SYNPR: variants seen among roughly 807,000 people sequenced by gnomAD.
SYNPR encodes the protein synaptoporin.
In SYNPR, 23 loss-of-function variants were observed where a neutral mutation model predicts 32.9. The observed-to-expected ratio is 0.70, with a 90% CI of 0.50 to 0.99. SYNPR has a LOEUF of 0.99. Ranked by LOEUF, SYNPR falls within the 50% of genes least tolerant of loss-of-function variation. SYNPR has a pLI of 0.00. For synonymous variants in SYNPR, 146 were observed against 135.9 expected, an observed-to-expected ratio of 1.07 and a Z score of -0.52; for missense variants, 318 against 349.3, an observed-to-expected ratio of 0.91 and a Z score of 0.71.
chr3:63,286,408 G>C (rs1437941795), intron 2 of SYNPR, among the ~76,000 whole-genome samples: 1 of 152,172 alleles, frequency 6.6e-6, no homozygotes, highest in African/African-American at 2.4e-5. Flanking sequence ...TGTGCTGAGG[G>C]TCCTTATAGG....
rs535943580 is a variant in SYNPR, at chr3:63,554,483, T to G, written c.210-2060T>G. Among the ~76,000 whole-genome samples, 5 of 152,360 alleles carry G rather than the reference T, an allele frequency of 3.3e-5. No individual in the cohort carries two copies. In the South Asian group the frequency reaches 1.0e-3, roughly 32 times the overall value. On this transcript the variant is annotated intron_variant, in intron 3 of 5. Transcript: ENST00000478300. ...GAGTAGGGAGTTCTTTTTCTATTGC[T>G]TGTTTTTGTCAGCCTTGTCAAAGAT...
intron 2 of SYNPR, among the ~76,000 whole-genome samples, chr3:63,445,067 C>T (rs1158291511): frequency 6.6e-6 from 1 of 151,970 alleles, no homozygotes; most frequent in East Asian, 1.9e-4. Flanking sequence ...AACACACACA[C>T]ATCCAATCCC....
chr3:63,262,200 G>A (rs2086444891), intron 2 of SYNPR, among the ~76,000 whole-genome samples: 1 of 152,188 alleles, frequency 6.6e-6, no homozygotes, highest in Non-Finnish European at 1.5e-5. Flanking sequence ...CGCTGAATTG[G>A]GGTATGCAAT....
intron 2 of SYNPR, among the ~76,000 whole-genome samples, chr3:63,320,684 G>T (rs1048518590): frequency 2.0e-5 from 3 of 152,020 alleles, no homozygotes; most frequent in Admixed American, 6.6e-5. Context: ...ACTCATTGGG[G>T]TAATAGAACT....
chr3:63,389,946 G>A (rs1422587933), intron 2 of SYNPR, among the ~76,000 whole-genome samples: 1 of 152,206 alleles, frequency 6.6e-6, no homozygotes, highest in African/African-American at 2.4e-5. Context: ...AACTATCATT[G>A]TAGTTAATAG....
rs138498529 is a variant in SYNPR at position 63,334,515 on chromosome 3, A to AGTGTGT, written c.84+55811_84+55816dup. ...AATTTCCAGGCAGTTGTCTCAATGA[A>AGTGTGT]GTGTGTGTGTGTGTGTGTGTGTGTG... On this transcript the variant is annotated intron_variant, in intron 2 of 5. Transcript: ENST00000478300. 6.2e-3 allele frequency among the ~76,000 whole-genome samples: 931 copies of AGTGTGT among 149,376 alleles called. 7 individuals are homozygous for AGTGTGT. Among genetic ancestry groups the AGTGTGT allele is most frequent in the Middle Eastern group, 0.014 (4 of 288 alleles).
chr3:63,499,575 C>G (rs920310750), intron 3 of SYNPR, among the ~76,000 whole-genome samples: 3 of 151,974 alleles, frequency 2.0e-5, no homozygotes, highest in Non-Finnish European at 2.9e-5. Context: ...AACTCTGAAT[C>G]AAGAAGGAGG....
chr3:63,275,522 G>A (rs1373929702), upstream of SYNPR, among the ~76,000 whole-genome samples: 1 of 152,086 alleles, frequency 6.6e-6, no homozygotes, highest in Non-Finnish European at 1.5e-5. Context: ...AGGAACACTG[G>A]GTGTGAAGAG....
intron 3 of SYNPR, among the ~76,000 whole-genome samples, chr3:63,522,475 T>A (rs945808980): frequency 1.3e-5 from 2 of 152,268 alleles, no homozygotes; most frequent in African/African-American, 4.8e-5. Flanking sequence ...GCAAAGCCAA[T>A]GAAACTACAT....
intron 2 of SYNPR, among the ~76,000 whole-genome samples, chr3:63,404,959 G>C (rs562098424): frequency 3.2e-4 from 48 of 152,294 alleles, no homozygotes; most frequent in Non-Finnish European, 1.5e-4. Context: ...AGCCAGCAGT[G>C]TAGGTGGACA....
rs534492893 is a variant in SYNPR at position 63,510,622 on chromosome 3, G to T, written c.209+29666G>T. 1.2e-3 allele frequency among the ~76,000 whole-genome samples: 187 copies of T among 152,216 alleles called. 1 individual carries two copies. Among genetic ancestry groups the T allele is most frequent in the African/African-American group, 4.4e-3 (181 of 41,540 alleles). The stretch of plus-strand genomic sequence containing the variant: ...ATAAAGTTAGATTCTTACTTTCCCG[G>T]AGATTTGAATAATTATTTATACCCT... On this transcript the variant is annotated intron_variant, in intron 3 of 5. Coordinates refer to ENST00000478300, the MANE Select transcript of SYNPR (RefSeq NM_001130003.2).
chr3:63,371,996 A>T (rs188136616), intron 2 of SYNPR, among the ~76,000 whole-genome samples: 5 of 150,986 alleles, frequency 3.3e-5, no homozygotes, highest in Non-Finnish European at 1.5e-5. Flanking sequence ...CTCAATCCCC[A>T]CTCTTCACCA....
At chr3:63,443,164 C>A in intron 2 of SYNPR, 1 of 1,188,692 alleles carries the variant, frequency 8.4e-7, no homozygotes, top group Non-Finnish European at 1.0e-6. Context: ...AAGCAGGCAG[C>A]GTTCACCAGA....
rs1700122454 is a variant in SYNPR, at chr3:63,606,424, T to TTTTTTTTTTTTTTTTTTTTTTG, written c.409-2686_409-2685insTTTTTTGTTTTTTTTTTTTTTT. On this transcript the variant is annotated intron_variant, in intron 4 of 5. Transcript: ENST00000478300. Reference sequence around the variant, plus strand: ...CAGGACCTCAAATCCTTTCTTTTTTTTTTTTTTTTTTTTTTAGCAATGAGA... The same window carrying TTTTTTTTTTTTTTTTTTTTTTG: ...CAGGACCTCAAATCCTTTCTTTTTTTTTTTTTTTTTTTTTTTTTTTTGTTTTTTTTTTTTTTTAGCAATGAGA... 1.5e-5 allele frequency among the ~76,000 whole-genome samples: 2 copies of TTTTTTTTTTTTTTTTTTTTTTG among 132,546 alleles called. 1 individual carries two copies. The highest frequency in any genetic ancestry group is 3.3e-5 in the Non-Finnish European group (2 of 60,970). The allele number at this position is 132,546 out of a possible 152,430, so 87.0% of individuals were successfully genotyped here. A position where few individuals can be genotyped will look rare whatever the true frequency, so the allele number is the denominator to read the frequency against.
intron 2 of SYNPR, among the ~76,000 whole-genome samples, chr3:63,423,116 A>C (rs1699828536): frequency 6.6e-6 from 1 of 152,246 alleles, no homozygotes; most frequent in Admixed American, 6.5e-5. Context: ...TATAGGTAAC[A>C]CATGTACATA....
upstream of SYNPR, among the ~76,000 whole-genome samples, chr3:63,226,733 G>A (rs964684030): frequency 6.6e-6 from 1 of 152,106 alleles, no homozygotes; most frequent in East Asian, 1.9e-4. Context: ...AAGGAAGAGA[G>A]ATTGGTGAAT....
intron 2 of SYNPR, among the ~76,000 whole-genome samples, chr3:63,379,412 G>A (rs1164665971): frequency 6.6e-6 from 1 of 152,052 alleles, no homozygotes; most frequent in Non-Finnish European, 1.5e-5. Context: ...ATTGGAAGGA[G>A]GTGTTAATGT....
chr3:63,390,507 C>T (rs2088118333), intron 2 of SYNPR, among the ~76,000 whole-genome samples: 1 of 152,200 alleles, frequency 6.6e-6, no homozygotes, highest in Non-Finnish European at 1.5e-5. Context: ...CACATCTCAT[C>T]TGCTATTGTG....
intron 3 of SYNPR, among the ~76,000 whole-genome samples, chr3:63,524,824 AGTGTGTGTGTGT>A (rs138062730): frequency 2.3e-5 from 3 of 129,382 alleles, no homozygotes; most frequent in South Asian, 2.5e-4. Context: ...TCATAATAGA[AGTGTGTGTGTGT>A]GTGTGTGTGT....
Sources: gnomAD v4.1 joint callset for allele counts (sites outside exome capture counted in the v4.1 genomes callset) on GRCh38, gnomAD v4.1.1 for gene constraint, MANE v1.5 for transcripts, NCBI Gene and HGNC (gene_info 2026-07-23, HGNC 2026-07-21) for gene names.